SLC9B1: variants seen among roughly 807,000 people sequenced by gnomAD.
SLC9B1 encodes solute carrier family 9 member B1.
Under a neutral mutation model 51.7 loss-of-function variants are expected in SLC9B1, and 32 were observed. The observed-to-expected ratio is 0.62, with a 90% CI of 0.47 to 0.83. The LOEUF (loss-of-function observed/expected upper bound fraction) is 0.83, where lower values mean the gene tolerates loss of function less well. Ranked by LOEUF, SLC9B1 falls within the 40% of genes least tolerant of loss-of-function variation. SLC9B1 has a pLI of 0.00. For missense variants in SLC9B1, 406 were observed against 613.2 expected, an observed-to-expected ratio of 0.66 and a Z score of 3.57; for synonymous variants, 145 against 212.7, an observed-to-expected ratio of 0.68 and a Z score of 2.77.
At chr4:102,916,442 TAGAC>T (rs1456426816) in intron 7 of SLC9B1, among the ~76,000 whole-genome samples, 10 of 152,284 alleles carry the variant, frequency 6.6e-5, no homozygotes, top group Admixed American at 4.6e-4. Context: ...GAAGCCAACA[TAGAC>T]AGAATTGAGG....
chr4:102,954,488 A>G (rs1737677937), intron 3 of SLC9B1, among the ~76,000 whole-genome samples: 1 of 146,440 alleles, frequency 6.8e-6, no homozygotes, highest in South Asian at 2.2e-4. Flanking sequence ...AGACAGAGAA[A>G]AAGAGATTAA....
chr4:102,946,445 G>A (rs865976122), intron 5 of SLC9B1, among the ~76,000 whole-genome samples: 1 of 141,604 alleles, frequency 7.1e-6, no homozygotes, highest in Non-Finnish European at 1.5e-5. Context: ...CGAGTAGCTG[G>A]GATTACTAGG....
At chr4:103,003,362 T>C (rs1740624691) in intron 1 of SLC9B1, among the ~76,000 whole-genome samples, 1 of 152,218 alleles carries the variant, frequency 6.6e-6, no homozygotes, top group Non-Finnish European at 1.5e-5. Context: ...TTCTTCACTT[T>C]CATCAGGATG....
chr4:102,972,733 T>C (rs1457730064), intron 3 of SLC9B1, among the ~76,000 whole-genome samples: 4 of 152,282 alleles, frequency 2.6e-5, no homozygotes, highest in African/African-American at 4.8e-5. Context: ...CCAAAACTCA[T>C]CAAAATGTGC....
chr4:102,936,076 G>A (rs947107786), intron 6 of SLC9B1, among the ~76,000 whole-genome samples: 1 of 152,158 alleles, frequency 6.6e-6, no homozygotes, highest in Admixed American at 6.5e-5. Context: ...TAACACTGAA[G>A]GGCCAGACAA....
chr4:102,992,530 T>C (rs1035963207), intron 1 of SLC9B1, among the ~76,000 whole-genome samples: 2 of 152,184 alleles, frequency 1.3e-5, no homozygotes, highest in African/African-American at 4.8e-5. Flanking sequence ...ACATTAACAG[T>C]TGAGTAGCTA....
At chr4:103,016,499 T>C (rs1197792879) in intron 1 of SLC9B1, among the ~76,000 whole-genome samples, 2 of 152,190 alleles carry the variant, frequency 1.3e-5, no homozygotes, top group Non-Finnish European at 2.9e-5. Context: ...TTCTCTTTAT[T>C]GTACTAGTCA....
intron 6 of SLC9B1, among the ~76,000 whole-genome samples, chr4:102,944,084 G>A (rs1325892027): frequency 1.3e-5 from 2 of 152,052 alleles, no homozygotes; most frequent in African/African-American, 4.8e-5. Flanking sequence ...TTGGAGCAAC[G>A]TGGATGGAGT....
At chr4:102,933,037 T>C (rs1196943963) in intron 6 of SLC9B1, among the ~76,000 whole-genome samples, 1 of 152,236 alleles carries the variant, frequency 6.6e-6, no homozygotes, top group African/African-American at 2.4e-5. Context: ...ACATATCTTA[T>C]CCAGAATTTC....
intron 7 of SLC9B1, among the ~76,000 whole-genome samples, chr4:102,925,360 C>A (rs1449788024): frequency 6.6e-6 from 1 of 152,088 alleles, no homozygotes; most frequent in Non-Finnish European, 1.5e-5. Context: ...ACAATGAGAA[C>A]ACTTGGACAC....
At chr4:102,920,874 A>G (rs3974479) in intron 7 of SLC9B1, among the ~76,000 whole-genome samples, 77,763 of 147,418 alleles carry the variant, frequency 0.53, 20,221 homozygotes, top group African/African-American at 0.66. Flanking sequence ...AAGAGTAAAA[A>G]GAAATGAAGA....
At chr4:103,003,606 G>C (rs1740638857) in intron 1 of SLC9B1, among the ~76,000 whole-genome samples, 1 of 152,150 alleles carries the variant, frequency 6.6e-6, no homozygotes, top group Admixed American at 6.5e-5. Context: ...GCACCCTTTT[G>C]CACTGCTGAG....
chr4:102,971,441 G>A (rs1388029179), intron 3 of SLC9B1, among the ~76,000 whole-genome samples: 9 of 152,052 alleles, frequency 5.9e-5, no homozygotes, highest in Non-Finnish European at 1.2e-4. Flanking sequence ...TGAAACCAAC[G>A]AGAACAAAGA....
At chr4:102,919,928 TGCAGCTCAACAAG>T (rs1735779707) in intron 7 of SLC9B1, among the ~76,000 whole-genome samples, 1 of 152,248 alleles carries the variant, frequency 6.6e-6, no homozygotes, top group East Asian at 1.9e-4. Context: ...TGGAGCCCAC[TGCAGCTCAACAAG>T]GCCTATTGCC....
chr4:102,966,092 C>A (rs1738411793), intron 3 of SLC9B1, among the ~76,000 whole-genome samples: 2 of 152,222 alleles, frequency 1.3e-5, no homozygotes, highest in Admixed American at 1.3e-4. Flanking sequence ...ATACCTATGG[C>A]TTTTCCAGGC....
intron 11 of SLC9B1, among the ~76,000 whole-genome samples, chr4:102,895,586 ATAAAT>A (rs1289876981): frequency 1.3e-5 from 2 of 152,234 alleles, no homozygotes; most frequent in East Asian, 1.9e-4. Context: ...TTAAAATTAC[ATAAAT>A]TAAATGTGTA....
At chr4:102,958,245 G>A (rs1257197155) in intron 3 of SLC9B1, among the ~76,000 whole-genome samples, 1 of 152,148 alleles carries the variant, frequency 6.6e-6, no homozygotes, top group East Asian at 1.9e-4. Flanking sequence ...GTAAATTCTT[G>A]TGAGATCTCG....
At chr4:102,906,452 T>C (rs930011965) in intron 10 of SLC9B1, 84 bp downstream of exon 10, 195 of 722,892 alleles carry the variant, frequency 2.7e-4, no homozygotes, top group Middle Eastern at 4.2e-4. Context: ...TAGCCAAAGA[T>C]ATATTGTAAA....
chr4:102,951,668 A>G (rs1354936039), intron 3 of SLC9B1, among the ~76,000 whole-genome samples: 2 of 151,980 alleles, frequency 1.3e-5, no homozygotes, highest in Non-Finnish European at 2.9e-5. Context: ...AGATATGAGG[A>G]AATTACTTAA....
Sources: allele counts gnomAD v4.1 joint callset (sites outside exome capture counted in the v4.1 genomes callset), GRCh38; gene constraint gnomAD v4.1.1; transcripts MANE v1.5; gene names NCBI Gene and HGNC (gene_info 2026-07-23, HGNC 2026-07-21).